The following DGLUCY variants were observed in gnomAD, a reference collection of about 807,000 sequenced individuals.
DGLUCY encodes the protein D-glutamate cyclase.
In DGLUCY, 58 loss-of-function variants were observed where a neutral mutation model predicts 58.5. The ratio of observed to expected loss-of-function variants is 0.99; its 90% CI spans 0.80 to 1.23. DGLUCY has a LOEUF of 1.23. Ranked by LOEUF, DGLUCY falls within the 50% of genes most tolerant of loss-of-function variation. DGLUCY has a pLI of 0.00. For synonymous variants in DGLUCY, 325 were observed against 314.1 expected (o/e 1.03, Z -0.37); for missense variants, 779 against 784.7 (o/e 0.99, Z 0.09).
intron 1 of DGLUCY, among the ~76,000 whole-genome samples, chr14:91,108,355 A>G (rs548874442): frequency 1.3e-5 from 2 of 151,964 alleles, no homozygotes; most frequent in South Asian, 4.2e-4. Flanking sequence ...GCTCCCTTAA[A>G]CTTTGCACTA....
At chr14:91,102,655 T>TCTACA in intron 1 of DGLUCY, among the ~76,000 whole-genome samples, 1 of 151,966 alleles carries the variant, frequency 6.6e-6, no homozygotes, top group Non-Finnish European at 1.5e-5. Flanking sequence ...CTACAGGGCA[T>TCTACA]GGATATGGGG....
intron 9 of DGLUCY, among the ~76,000 whole-genome samples, chr14:91,191,814 TC>T (rs1235343447): frequency 6.6e-6 from 1 of 152,154 alleles, no homozygotes; most frequent in African/African-American, 2.4e-5. Context: ...AAGGTTTTTG[TC>T]CTGGTAACTG....
chr14:91,187,594 C>T (rs188673156), intron 8 of DGLUCY, among the ~76,000 whole-genome samples: 21 of 152,286 alleles, frequency 1.4e-4, no homozygotes, highest in Non-Finnish European at 2.8e-4. Context: ...GAATTATGGG[C>T]GGCTCCCAGC....
At chr14:91,086,725 A>C (rs2044227906) in intron 1 of DGLUCY, among the ~76,000 whole-genome samples, 2 of 152,182 alleles carry the variant, frequency 1.3e-5, no homozygotes, top group Non-Finnish European at 2.9e-5. Context: ...CTAGACACTC[A>C]ATAAACACTT....
chr14:91,200,223 A>G (rs530881425), intron 11 of DGLUCY, among the ~76,000 whole-genome samples: 1 of 152,220 alleles, frequency 6.6e-6, no homozygotes, highest in South Asian at 2.1e-4. Flanking sequence ...CCAAAGTGCT[A>G]GGATTACAGG....
At chr14:91,093,859 A>G (rs973079094) in intron 1 of DGLUCY, among the ~76,000 whole-genome samples, 1 of 152,054 alleles carries the variant, frequency 6.6e-6, no homozygotes, top group Non-Finnish European at 1.5e-5. Flanking sequence ...CAGTCACAAA[A>G]GGTCACATCT....
intron 5 of DGLUCY, among the ~76,000 whole-genome samples, chr14:91,172,837 G>A (rs1170946240): frequency 6.6e-6 from 1 of 152,048 alleles, no homozygotes; most frequent in African/African-American, 2.4e-5. Context: ...AATAGAGATG[G>A]GGTTTCACCA....
chr14:91,119,407 A>G (rs2045212294), intron 1 of DGLUCY, among the ~76,000 whole-genome samples: 2 of 152,046 alleles, frequency 1.3e-5, no homozygotes, highest in African/African-American at 2.4e-5. Context: ...AGGCTTTTCT[A>G]CCTTGATCTG....
chr14:91,187,726 A>C (rs2049608270), intron 8 of DGLUCY, among the ~76,000 whole-genome samples: 1 of 152,198 alleles, frequency 6.6e-6, no homozygotes, highest in Non-Finnish European at 1.5e-5. Context: ...ACGCCCTAAT[A>C]GGCAGGTGAG....
Position 91,215,479 on chromosome 14 carries a change from T to G in DGLUCY, c.1639T>G (p.Tyr547Asp). The G allele has an allele frequency of 6.2e-7, 1 of 1,614,232 alleles. No homozygotes were observed. Among genetic ancestry groups the G allele is most frequent in the Non-Finnish European group, 8.5e-7 (1 of 1,180,042 alleles). Residue 547 changes from tyrosine (Y) to aspartate (D), a missense_variant, in exon 13 of 14, where the codon TAC (tyrosine) becomes GAC (aspartate). By Grantham distance (160) the Tyr-to-Asp change is radical (BLOSUM62 -3). Coordinates refer to ENST00000256324, the MANE Select transcript of DGLUCY (RefSeq NM_001102368.3). ...ILYSCAVHSQ[Y>D]LRKAVGPSRA... ...GTACTCATGTGCTGTCCACAGTCAG[T>G]ACCTGAGGAAAGCAGTCGGACCCTC...
chr14:91,175,392 C>A (rs942422321), intron 6 of DGLUCY, among the ~76,000 whole-genome samples: 1 of 152,146 alleles, frequency 6.6e-6, no homozygotes, highest in African/African-American at 2.4e-5. Context: ...TTAGACAGAA[C>A]CTAGCCTTTT....
At chr14:91,215,783 T>G (rs1886430861) in intron 13 of DGLUCY, 1 of 1,378,434 alleles carries the variant, frequency 7.3e-7, no homozygotes, top group African/African-American at 1.5e-5. Context: ...TTCCTTCTAG[T>G]TTGACTTTGG....
At chr14:91,159,995 TCCC>T in intron 2 of DGLUCY, among the ~76,000 whole-genome samples, 1 of 152,162 alleles carries the variant, frequency 6.6e-6, no homozygotes, top group Non-Finnish European at 1.5e-5. Flanking sequence ...ACTCTGCAGC[TCCC>T]GAGGAATGGA....
chr14:91,099,350 T>C (rs921598129), intron 1 of DGLUCY, among the ~76,000 whole-genome samples: 14 of 152,046 alleles, frequency 9.2e-5, no homozygotes, highest in African/African-American at 3.4e-4. Flanking sequence ...CTGGCCAACA[T>C]GGTGAAACCC....
chr14:91,117,015 G>A (rs2045007940), intron 1 of DGLUCY, among the ~76,000 whole-genome samples: 1 of 152,030 alleles, frequency 6.6e-6, no homozygotes, highest in South Asian at 2.1e-4. Flanking sequence ...ATACTTAACG[G>A]TTATTTATTG....
upstream of DGLUCY, among the ~76,000 whole-genome samples, chr14:91,110,430 CTTTT>C (rs10711938): frequency 4.3e-3 from 377 of 88,060 alleles, 2 homozygotes; most frequent in African/African-American, 0.015. Flanking sequence ...TTCTTTCTTT[CTTTT>C]TTTTTTTTTT....
At chr14:91,171,180 A>C (rs1161105934) in intron 5 of DGLUCY, among the ~76,000 whole-genome samples, 1 of 152,156 alleles carries the variant, frequency 6.6e-6, no homozygotes, top group Non-Finnish European at 1.5e-5. Flanking sequence ...TTAGATGAGG[A>C]AACCGAGGTC....
At chr14:91,108,359 T>C (rs1271471774) in intron 1 of DGLUCY, among the ~76,000 whole-genome samples, 1 of 152,082 alleles carries the variant, frequency 6.6e-6, no homozygotes, top group Non-Finnish European at 1.5e-5. Flanking sequence ...CCTTAAACTT[T>C]GCACTAGTTT....
chr14:91,186,925 T>C lies in DGLUCY; in HGVS notation c.935-1985T>C, dbSNP rs554100030. On this transcript the variant is annotated intron_variant, in intron 8 of 13. Transcript: ENST00000256324. ...CACACAGCTACGATATGCCAGCATC[T>C]GGACTGGAATGCAAGTTTCCTGGTT... Among the ~76,000 whole-genome samples, 179 of 152,252 alleles carry C rather than the reference T, an allele frequency of 1.2e-3. 1 individual carries two copies. The highest frequency in any genetic ancestry group is 4.0e-3 in the African/African-American group (168 of 41,560).
Sources: gnomAD v4.1 joint callset for allele counts (sites outside exome capture counted in the v4.1 genomes callset) on GRCh38, gnomAD v4.1.1 for gene constraint, MANE v1.5 for transcripts, NCBI Gene and HGNC (gene_info 2026-07-23, HGNC 2026-07-21) for gene names.